The following UVSSA variants were observed in gnomAD, a reference collection of about 807,000 sequenced individuals.
UVSSA encodes the protein UV-stimulated scaffold protein A.
Under a neutral mutation model 73.9 loss-of-function variants are expected in UVSSA, and 72 were observed. The ratio of observed to expected loss-of-function variants is 0.97; its 90% CI spans 0.81 to 1.19. The LOEUF is 1.19. UVSSA is among the 50% of genes most tolerant of loss of function. The pLI is 0.00. For synonymous variants in UVSSA, 454 were observed against 391.3 expected (o/e 1.16, Z -1.89); for missense variants, 1,150 against 965.0 (o/e 1.19, Z -2.54).
At chr4:1,379,486 C>T (rs934206616) in intron 10 of UVSSA, among the ~76,000 whole-genome samples, 4 of 144,224 alleles carry the variant, frequency 2.8e-5, no homozygotes, top group African/African-American at 7.6e-5. Flanking sequence ...GCACCTGGGA[C>T]GCCTGGGAGA....
intron 7 of UVSSA, among the ~76,000 whole-genome samples, chr4:1,360,039 A>T (rs78258212): frequency 0.04 from 6,048 of 152,268 alleles, 246 homozygotes; most frequent in East Asian, 0.2. Flanking sequence ...CAGGCAGGGG[A>T]GGAGGGACCT....
chr4:1,363,023 C>T (rs558278375), intron 7 of UVSSA, among the ~76,000 whole-genome samples: 3 of 152,198 alleles, frequency 2.0e-5, no homozygotes, highest in Non-Finnish European at 2.9e-5. Context: ...GAGTTTATCC[C>T]GTGTGACTTG....
At chr4:1,380,543 A>T (rs1024665673) in intron 11 of UVSSA, 38 of 1,105,572 alleles carry the variant, frequency 3.4e-5, no homozygotes, top group Non-Finnish European at 4.5e-5. Flanking sequence ...GGATCCTCAA[A>T]AGTGAGGAGA....
In UVSSA at chr4:1,376,080, G is replaced by A. The variant is rs764480403; in HGVS notation, c.1480G>A (p.Ala494Thr). The change falls in exon 10 of 14, where the codon GCA (alanine) becomes ACA (threonine). Residue 494 changes from alanine to threonine, a missense_variant. Ala to Thr is a moderately conservative substitution (Grantham distance 58). Transcript: ENST00000389851. ...PEPQEAQKLAAERARAPVVPY... is the reference protein window; with the variant it reads ...PEPQEAQKLATERARAPVVPY... Reference sequence around the variant, plus strand: ...GCCACAGGAGGCCCAGAAGCTGGCAGCAGAGCGGGCCCGGGCGCCTGTGGT... The same window carrying A: ...GCCACAGGAGGCCCAGAAGCTGGCAACAGAGCGGGCCCGGGCGCCTGTGGT... 2 of 1,602,310 alleles carry A rather than the reference G, an allele frequency of 1.2e-6. No individual in the cohort carries two copies. Among genetic ancestry groups the A allele is most frequent in the East Asian group, 2.3e-5 (1 of 44,268 alleles).
intron 7 of UVSSA, among the ~76,000 whole-genome samples, chr4:1,363,587 G>T (rs1187538904): frequency 6.6e-6 from 1 of 152,110 alleles, no homozygotes; most frequent in East Asian, 1.9e-4. Flanking sequence ...GTGTGATAAC[G>T]CGCTGCACTG....
At chr4:1,380,565 CA>C in intron 11 of UVSSA, 10 of 1,301,090 alleles carry the variant, frequency 7.7e-6, no homozygotes, top group Non-Finnish European at 1.0e-5. Context: ...GCCAGGGGGC[CA>C]GGGCAGCTCC....
chr4:1,381,245 C>T (rs548164478), intron 12 of UVSSA, among the ~76,000 whole-genome samples: 252 of 152,386 alleles, frequency 1.7e-3, no homozygotes, highest in African/African-American at 5.9e-3. Flanking sequence ...TGGGCACCCA[C>T]GGCCCCGAAG....
At chr4:1,374,192 G>A (rs993652692) in intron 8 of UVSSA, among the ~76,000 whole-genome samples, 4 of 152,198 alleles carry the variant, frequency 2.6e-5, no homozygotes, top group African/African-American at 4.8e-5. Flanking sequence ...CCCCCTGGCC[G>A]GCAGCCCACA....
intron 8 of UVSSA, among the ~76,000 whole-genome samples, chr4:1,366,948 G>A (rs1396368472): frequency 6.6e-6 from 1 of 152,222 alleles, no homozygotes; most frequent in African/African-American, 2.4e-5. Context: ...GAGGGTTGTG[G>A]GTGTGATTCC....
chr4:1,345,644 CAAAAAAAAAAAAAA>C (rs71168831), upstream of UVSSA, among the ~76,000 whole-genome samples: 5 of 55,952 alleles, frequency 8.9e-5, no homozygotes, highest in Admixed American at 4.6e-4. Context: ...GACTTTGTCT[CAAAAAAAAAAAAAA>C]AAAAAAAAAA....
intron 4 of UVSSA, among the ~76,000 whole-genome samples, 188 bp downstream of exon 4, chr4:1,352,023 C>T (rs963956395): frequency 2.0e-5 from 3 of 152,232 alleles, no homozygotes; most frequent in Non-Finnish European, 2.9e-5. Context: ...CCATGCCTCT[C>T]CCGCGCCCTC....
downstream of UVSSA, chr4:1,392,600 C>A (rs1333188487): frequency 1.3e-5 from 2 of 152,232 alleles, no homozygotes; most frequent in Non-Finnish European, 2.9e-5. Context: ...AGATGTCATT[C>A]CACTGCCTCT....
At chr4:1,342,406 T>C (rs949738128), upstream of UVSSA, among the ~76,000 whole-genome samples, 1 of 151,960 alleles carries the variant, frequency 6.6e-6, no homozygotes, top group African/African-American at 2.4e-5. Flanking sequence ...TAAATTGCAT[T>C]ATCTTACTGA....
chr4:1,395,894 A>T (rs1274594761), exon 14 of UVSSA: 1 of 1,593,324 alleles, frequency 6.3e-7, no homozygotes. Flanking sequence ...GTGTTTTTGT[A>T]AAATTGAATT....
At chr4:1,388,323 A>G (rs893154292), downstream of UVSSA, 1 of 152,242 alleles carries the variant, frequency 6.6e-6, no homozygotes, top group African/African-American at 2.4e-5. Flanking sequence ...ACTTTTGTGT[A>G]TTGATCTTGT....
At chr4:1,350,884 A>G (rs1224192877) in intron 3 of UVSSA, among the ~76,000 whole-genome samples, 2 of 151,874 alleles carry the variant, frequency 1.3e-5, no homozygotes, top group Non-Finnish European at 2.9e-5. Context: ...CTGTATAGAT[A>G]GCTCTAGTTT....
chr4:1,361,655 T>C (rs1716651812), intron 7 of UVSSA, among the ~76,000 whole-genome samples: 1 of 152,252 alleles, frequency 6.6e-6, no homozygotes, highest in South Asian at 2.1e-4. Context: ...ACATGAGATA[T>C]TGGCCTGGCC....
intron 7 of UVSSA, among the ~76,000 whole-genome samples, chr4:1,365,524 T>G (rs957333495): frequency 2.6e-5 from 4 of 152,074 alleles, no homozygotes; most frequent in African/African-American, 9.7e-5. Flanking sequence ...AGCTCCTCAA[T>G]GGGAGGAGGG....
intron 7 of UVSSA, among the ~76,000 whole-genome samples, chr4:1,359,725 T>C (rs1268684722): frequency 6.6e-6 from 1 of 152,174 alleles, no homozygotes; most frequent in African/African-American, 2.4e-5. Context: ...CCCCCGACTC[T>C]GTGGTTTTCT....
Sources: gnomAD v4.1 joint callset for allele counts (sites outside exome capture counted in the v4.1 genomes callset) on GRCh38, gnomAD v4.1.1 for gene constraint, MANE v1.5 for transcripts, NCBI Gene and HGNC (gene_info 2026-07-23, HGNC 2026-07-21) for gene names.